Variants in SCHIP1 observed in about 807,000 individuals in gnomAD.
The protein encoded by SCHIP1 is schwannomin interacting protein 1.
Under a neutral mutation model 29.7 loss-of-function variants are expected in SCHIP1, and 8 were observed. That is an observed-to-expected ratio of 0.27 (90% CI 0.16 to 0.49). SCHIP1 has a LOEUF of 0.49. Among genes scored for constraint, SCHIP1 ranks in the 20% least tolerant of loss-of-function variants. The pLI, the probability that SCHIP1 is intolerant of heterozygous loss-of-function variation, is 0.99. For missense variants in SCHIP1, 193 were observed against 294.6 expected, an observed-to-expected ratio of 0.66 and a Z score of 2.52; for synonymous variants, 76 against 94.9, an observed-to-expected ratio of 0.80 and a Z score of 1.16.
the SCHIP1 span, among the ~76,000 whole-genome samples, chr3:159,286,255 T>C: frequency 1.3e-5 from 2 of 152,136 alleles, no homozygotes; most frequent in African/African-American, 2.4e-5. Context: ...CCCTGGTGTC[T>C]GTTGTTCCTT....
At chr3:159,679,841 T>G in the SCHIP1 span, among the ~76,000 whole-genome samples, 1 of 151,884 alleles carries the variant, frequency 6.6e-6, no homozygotes, top group East Asian at 1.9e-4. Flanking sequence ...GGCCTCTGTG[T>G]TCTCTCTCTA....
chr3:159,752,843 A>G, the SCHIP1 span, among the ~76,000 whole-genome samples: 1 of 152,144 alleles, frequency 6.6e-6, no homozygotes, highest in Non-Finnish European at 1.5e-5. Flanking sequence ...CATTTCACTT[A>G]ATGTTATAAT....
the SCHIP1 span, among the ~76,000 whole-genome samples, chr3:159,776,834 G>A: frequency 6.6e-6 from 1 of 152,114 alleles, no homozygotes; most frequent in Non-Finnish European, 1.5e-5. Context: ...AATCACACTG[G>A]GAATGAGAAT....
At chr3:159,591,939 T>A in the SCHIP1 span, among the ~76,000 whole-genome samples, 2 of 148,718 alleles carry the variant, frequency 1.3e-5, no homozygotes, top group African/African-American at 5.0e-5. Flanking sequence ...ATAAAAAAAA[T>A]TAAAATTAAA....
the SCHIP1 span, among the ~76,000 whole-genome samples, chr3:159,653,227 C>A: frequency 4.6e-5 from 7 of 152,272 alleles, no homozygotes; most frequent in African/African-American, 1.7e-4. Flanking sequence ...ACCCAGGAAT[C>A]CCATTACTGG....
chr3:159,339,748 G>A, the SCHIP1 span, among the ~76,000 whole-genome samples: 1 of 152,154 alleles, frequency 6.6e-6, no homozygotes, highest in Admixed American at 6.6e-5. Flanking sequence ...TAAAATTTCA[G>A]CTTCCTGTTA....
intron 3 of SCHIP1, 49 bp from the exon 5 acceptor site, chr3:159,887,659 G>T: frequency 6.2e-7 from 1 of 1,606,348 alleles, no homozygotes; most frequent in Middle Eastern, 1.7e-4. Flanking sequence ...CTAAGTGGAT[G>T]CTAGCTGGCA....
chr3:159,500,136 T>C, the SCHIP1 span, among the ~76,000 whole-genome samples: 74 of 152,112 alleles, frequency 4.9e-4, no homozygotes, highest in African/African-American at 1.7e-3. Flanking sequence ...GTCCAGTTTT[T>C]TGTTTTTTTG....
At chr3:159,546,863 A>G in the SCHIP1 span, among the ~76,000 whole-genome samples, 36 of 148,450 alleles carry the variant, frequency 2.4e-4, no homozygotes, top group African/African-American at 8.7e-4. Context: ...GCTATTGTAA[A>G]CAGTGCTGCA....
chr3:159,602,725 G>C, the SCHIP1 span, among the ~76,000 whole-genome samples: 3,437 of 150,622 alleles, frequency 0.023, 54 homozygotes, highest in Non-Finnish European at 0.027. Flanking sequence ...AAAAAAGAAA[G>C]AAACAAACAA....
the SCHIP1 span, among the ~76,000 whole-genome samples, chr3:159,286,706 C>T: frequency 3.9e-5 from 6 of 152,232 alleles, no homozygotes; most frequent in African/African-American, 1.4e-4. Context: ...TGTAAGTGTT[C>T]CCTTTTCTCT....
chr3:159,523,964 C>G, the SCHIP1 span, among the ~76,000 whole-genome samples: 1 of 152,318 alleles, frequency 6.6e-6, no homozygotes, highest in East Asian at 1.9e-4. Flanking sequence ...CACAGGCATT[C>G]TAGGCCTTGG....
chr3:159,828,839 A>T, the SCHIP1 span, among the ~76,000 whole-genome samples: 2 of 152,020 alleles, frequency 1.3e-5, no homozygotes, highest in African/African-American at 4.8e-5. Context: ...GGGAAGCATG[A>T]CCCTTATTCC....
chr3:159,859,646 C>CA (rs1713804619), intron 1 of SCHIP1, among the ~76,000 whole-genome samples: 1 of 152,228 alleles, frequency 6.6e-6, no homozygotes, highest in African/African-American at 2.4e-5. Flanking sequence ...AAGGCCTTGG[C>CA]AGAGGCCAGG....
At chr3:159,734,448 T>C in the SCHIP1 span, among the ~76,000 whole-genome samples, 1 of 152,096 alleles carries the variant, frequency 6.6e-6, no homozygotes, top group African/African-American at 2.4e-5. Context: ...CCCATACTGT[T>C]ATCTTTTATA....
At chr3:159,713,185 GGAAAGAAAGA>G in the SCHIP1 span, among the ~76,000 whole-genome samples, 1 of 90,828 alleles carries the variant, frequency 1.1e-5, no homozygotes, top group African/African-American at 4.3e-5. Flanking sequence ...GAAAGAAAAA[GGAAAGAAAGA>G]GAAAGAAAGA....
the SCHIP1 span, among the ~76,000 whole-genome samples, chr3:159,648,415 T>C: frequency 1.0e-2 from 1,516 of 152,296 alleles, 23 homozygotes; most frequent in African/African-American, 0.034. Flanking sequence ...CTTAGTTTCC[T>C]ATTTCTTAAA....
the SCHIP1 span, among the ~76,000 whole-genome samples, chr3:159,733,986 T>C: frequency 3.9e-5 from 6 of 152,328 alleles, 1 homozygote; most frequent in African/African-American, 1.4e-4. Flanking sequence ...TGCATGGGTA[T>C]AGTTTTGCTT....
the SCHIP1 span, among the ~76,000 whole-genome samples, chr3:159,423,105 G>A: frequency 2.0e-5 from 3 of 152,366 alleles, no homozygotes; most frequent in East Asian, 5.8e-4. Flanking sequence ...AACAGCTCCA[G>A]TCTACAGCTC....
Sources: allele counts gnomAD v4.1 joint callset (sites outside exome capture counted in the v4.1 genomes callset), GRCh38; gene constraint gnomAD v4.1.1; transcripts MANE v1.5; gene names NCBI Gene and HGNC (gene_info 2026-07-23, HGNC 2026-07-21).